SHROOM2: variants seen among roughly 807,000 people sequenced by gnomAD.
The protein encoded by SHROOM2 is shroom family member 2, also known as protein Shroom2.
In SHROOM2, 33 loss-of-function variants were observed where a neutral mutation model predicts 75.9. The ratio of observed to expected loss-of-function variants is 0.43; its 90% confidence interval spans 0.33 to 0.58. The LOEUF (loss-of-function observed/expected upper bound fraction) is 0.58. Among genes scored for constraint, SHROOM2 ranks in the 20% least tolerant of loss-of-function variants. The pLI is 0.04. For synonymous variants in SHROOM2, 655 were observed against 663.6 expected, an observed-to-expected ratio of 0.99 and a Z score of 0.20; for missense variants, 1,434 against 1,461.2, an observed-to-expected ratio of 0.98 and a Z score of 0.30.
chrX:9,885,023 G>T (rs901772110), intron 2 of SHROOM2, among the ~76,000 whole-genome samples: 2 of 111,311 alleles, frequency 1.8e-5, no homozygotes, highest in Non-Finnish European at 3.8e-5. Flanking sequence ...CAGCCTGGGT[G>T]ACATGATGAG....
At chrX:9,786,759 C>A in intron 1 of SHROOM2, 49 bp downstream of exon 1, 1 of 839,483 alleles carries the variant, frequency 1.2e-6, no homozygotes, top group African/African-American at 2.2e-5. Context: ...GCTGGCCGCC[C>A]TGCGGGGCGC....
At chrX:9,839,254 T>C (rs2083966860) in intron 1 of SHROOM2, among the ~76,000 whole-genome samples, 1 of 111,204 alleles carries the variant, frequency 9.0e-6, no homozygotes, top group Non-Finnish European at 1.9e-5. Context: ...TGGGTTTTCA[T>C]AGCAACGAGG....
At chrX:9,902,916 A>G (rs2084372334) in intron 5 of SHROOM2, among the ~76,000 whole-genome samples, 1 of 111,960 alleles carries the variant, frequency 8.9e-6, no homozygotes, top group African/African-American at 3.2e-5. Context: ...TCAGGCTTGT[A>G]TTTTGTTGGG....
intron 1 of SHROOM2, among the ~76,000 whole-genome samples, chrX:9,856,157 G>A (rs5979191): frequency 0.012 from 1,331 of 109,084 alleles, 28 homozygotes; most frequent in African/African-American, 0.043. Context: ...CTTGATTAGA[G>A]TGGCATAAAT....
chrX:9,803,688 C>T (rs1370013224), intron 1 of SHROOM2, among the ~76,000 whole-genome samples: 1 of 111,947 alleles, frequency 8.9e-6, no homozygotes, highest in Non-Finnish European at 1.9e-5. Flanking sequence ...CTGGTTTTTA[C>T]AAAATGAACA....
chrX:9,938,753 G>C (rs1434202999), intron 7 of SHROOM2, among the ~76,000 whole-genome samples: 1 of 111,332 alleles, frequency 9.0e-6, no homozygotes, highest in Non-Finnish European at 1.9e-5. Context: ...GAGTGGGTAT[G>C]ACACACAGCC....
chrX:9,861,661 A>G (rs2084104351), intron 1 of SHROOM2, among the ~76,000 whole-genome samples: 1 of 112,293 alleles, frequency 8.9e-6, no homozygotes, highest in Non-Finnish European at 1.9e-5. Context: ...AGTTTGCAAC[A>G]TATTTTCATA....
At chrX:9,887,290 A>G (rs984162421) in intron 2 of SHROOM2, among the ~76,000 whole-genome samples, 1 of 112,188 alleles carries the variant, frequency 8.9e-6, no homozygotes, top group Non-Finnish European at 1.9e-5. Flanking sequence ...TTTTATTTGA[A>G]ACAGTTCTGC....
intron 5 of SHROOM2, among the ~76,000 whole-genome samples, chrX:9,924,318 C>G (rs543788764): frequency 1.6e-4 from 18 of 112,631 alleles, no homozygotes; most frequent in African/African-American, 5.8e-4. Flanking sequence ...CTCTAGCCTG[C>G]TGATGCTCAC....
intron 1 of SHROOM2, among the ~76,000 whole-genome samples, chrX:9,858,539 T>C (rs762977265): frequency 8.9e-6 from 1 of 112,771 alleles, no homozygotes; most frequent in Non-Finnish European, 1.9e-5. Flanking sequence ...CGGTGGCTCA[T>C]GCCTGTAATC....
At chrX:9,896,853 G>A (rs2084335570) in intron 4 of SHROOM2, among the ~76,000 whole-genome samples, 155 bp downstream of exon 4, 2 of 112,681 alleles carry the variant, frequency 1.8e-5, no homozygotes, top group African/African-American at 6.4e-5. Context: ...AGGTATTTGG[G>A]GACAAAGTTG....
rs764612890 is a variant in SHROOM2, at chrX:9,941,753, C to T, written c.4311+2387C>T. On this transcript the variant is annotated intron_variant, in intron 8 of 9. Transcript: ENST00000380913. ...TTCGGAGGCCGAGGTGGGCGGATCA[C>T]GAGGTCAGCAGATCGAGGCCATCCT... Among the ~76,000 whole-genome samples, 49 of 109,469 alleles carry T rather than the reference C, an allele frequency of 4.5e-4. 1 individual carries two copies. The highest frequency in any genetic ancestry group is 1.5e-3 in the African/African-American group (45 of 30,428).
At chrX:9,920,372 A>T (rs1215415638) in intron 5 of SHROOM2, among the ~76,000 whole-genome samples, 1 of 112,614 alleles carries the variant, frequency 8.9e-6, no homozygotes, top group East Asian at 2.8e-4. Context: ...AGATGTCTAG[A>T]AATTCACATA....
chrX:9,925,787 G>A (rs1427247949), intron 5 of SHROOM2, among the ~76,000 whole-genome samples: 1 of 112,634 alleles, frequency 8.9e-6, no homozygotes, highest in East Asian at 2.8e-4. Flanking sequence ...GTAAATGAAA[G>A]GAGGAAACAC....
chrX:9,819,014 C>T, intron 1 of SHROOM2: 5 of 1,003,743 alleles, frequency 5.0e-6, no homozygotes, highest in Non-Finnish European at 7.1e-6. Flanking sequence ...TGTCTTTGCC[C>T]TTTATATTTT....
intron 1 of SHROOM2, among the ~76,000 whole-genome samples, chrX:9,824,494 A>G (rs896593277): frequency 4.5e-5 from 5 of 112,198 alleles, no homozygotes; most frequent in Admixed American, 9.5e-5. Flanking sequence ...GATTTCTAGT[A>G]AGAGAAGAGA....
intron 1 of SHROOM2, among the ~76,000 whole-genome samples, chrX:9,857,771 A>T (rs1646110505): frequency 9.0e-6 from 1 of 111,081 alleles, no homozygotes; most frequent in Non-Finnish European, 1.9e-5. Context: ...CCGAAATTCC[A>T]GATTTTCAGC....
chrX:9,885,624 A>G (rs6530339), intron 2 of SHROOM2, among the ~76,000 whole-genome samples: 24,493 of 110,092 alleles, frequency 0.22, 2,551 homozygotes, highest in African/African-American at 0.39. Flanking sequence ...AAAGAGTGCA[A>G]CTCTTTTCAC....
intron 1 of SHROOM2, among the ~76,000 whole-genome samples, chrX:9,815,554 C>T (rs999073571): frequency 1.5e-5 from 1 of 68,041 alleles, no homozygotes; most frequent in Admixed American, 2.0e-4. Context: ...TATCCTATAT[C>T]TATCCTATAT....
Sources: gnomAD v4.1 joint callset for allele counts (sites outside exome capture counted in the v4.1 genomes callset) on GRCh38, gnomAD v4.1.1 for gene constraint, MANE v1.5 for transcripts, NCBI Gene and HGNC (gene_info 2026-07-23, HGNC 2026-07-21) for gene names.